Variants in SERINC5 observed in about 807,000 individuals in gnomAD.
SERINC5 encodes serine incorporator 5.
A neutral mutation model predicts 63.1 loss-of-function variants in SERINC5; 41 were observed. The ratio of observed to expected loss-of-function variants is 0.65; its 90% CI spans 0.51 to 0.84. The LOEUF (loss-of-function observed/expected upper bound fraction) is 0.84, where lower values mean the gene tolerates loss of function less well. Ranked by LOEUF, SERINC5 falls within the 40% of genes least tolerant of loss-of-function variation. The pLI, the probability that SERINC5 is intolerant of heterozygous loss-of-function variation, is 0.00. For synonymous variants in SERINC5, 222 were observed against 215.2 expected (o/e 1.03, Z -0.28); for missense variants, 523 against 573.0 (o/e 0.91, Z 0.89).
At chr5:80,254,167 G>A (rs1272619079) in intron 1 of SERINC5, among the ~76,000 whole-genome samples, 4 of 151,988 alleles carry the variant, frequency 2.6e-5, no homozygotes, top group Non-Finnish European at 4.4e-5. Flanking sequence ...CAGGTGATCC[G>A]CCCGCCTCTG....
rs1561394606 is a variant in SERINC5, at chr5:80,174,405, A to AATAATAATAAT, written c.551+548_551+549insATTATTATTAT. Among the ~76,000 whole-genome samples, 6 of 84,370 alleles carry AATAATAATAAT rather than the reference A, an allele frequency of 7.1e-5. No individual in the cohort carries two copies. In the South Asian group the frequency reaches 1.1e-3, roughly 15 times the overall value. The allele number at this position is 84,370 out of a possible 152,430, so 55.3% of individuals were successfully genotyped here. A position where few individuals can be genotyped will look rare whatever the true frequency, so the allele number is the denominator to read the frequency against. On this transcript the variant is annotated intron_variant, in intron 5 of 11. Transcript: ENST00000507668. ...ATAATAATAATAATAATAATAATAA[A>AATAATAATAAT]AGAAAAAGAAAACAAAAGGGTACTG...
downstream of SERINC5, among the ~76,000 whole-genome samples, chr5:80,111,431 T>TG (rs1449294774): frequency 2.0e-5 from 3 of 152,316 alleles, no homozygotes; most frequent in East Asian, 5.8e-4. Flanking sequence ...CAGTTCCAGG[T>TG]GCAGGGGCTT....
intron 5 of SERINC5, among the ~76,000 whole-genome samples, chr5:80,173,377 C>T (rs1441513350): frequency 3.3e-5 from 5 of 152,050 alleles, no homozygotes; most frequent in Non-Finnish European, 7.4e-5. Context: ...GGGCGGATCA[C>T]CAGGTCAGGA....
At position 80,222,556 on chromosome 5, in the gene SERINC5, G is replaced by A. The variant is rs13356937; in HGVS notation, c.28-19503C>T. 6.4e-3 allele frequency among the ~76,000 whole-genome samples: 496 copies of A among 77,934 alleles called. 2 individuals are homozygous for A. The highest frequency in any genetic ancestry group is 0.021 in the Middle Eastern group (3 of 146). 51.1% of individuals were successfully genotyped at this position (77,934 alleles called of 152,430 possible). The stretch of plus-strand genomic sequence containing the variant: ...TTTGGTGGGTTTTTTGTGGGTGAGT[G>A]TGTGAGTGTGTGAGTGTGTGTGTGT... On this transcript the variant is annotated intron_variant, in intron 1 of 11. Coordinates refer to ENST00000507668, the MANE Select transcript of SERINC5 (RefSeq NM_001174072.3).
At chr5:80,223,492 G>A (rs994236448) in intron 1 of SERINC5, among the ~76,000 whole-genome samples, 3 of 151,940 alleles carry the variant, frequency 2.0e-5, no homozygotes, top group South Asian at 2.1e-4. Flanking sequence ...CAGAATCCAC[G>A]GATACAGAGG....
intron 7 of SERINC5, among the ~76,000 whole-genome samples, chr5:80,159,201 G>A (rs1746729213): frequency 6.6e-6 from 1 of 152,154 alleles, no homozygotes; most frequent in African/African-American, 2.4e-5. Context: ...TTCCAGCTCA[G>A]TGCCATGGGG....
chr5:80,203,495 G>T (rs1178356571), intron 1 of SERINC5, among the ~76,000 whole-genome samples: 1 of 151,684 alleles, frequency 6.6e-6, no homozygotes, highest in Non-Finnish European at 1.5e-5. Flanking sequence ...AACACAGCAA[G>T]ACCCCATCTC....
chr5:80,132,418 G>A (rs1454998263), intron 11 of SERINC5, among the ~76,000 whole-genome samples: 1 of 152,030 alleles, frequency 6.6e-6, no homozygotes, highest in Admixed American at 6.6e-5. Flanking sequence ...TTAACTAATG[G>A]TATTTCTATA....
intron 8 of SERINC5, among the ~76,000 whole-genome samples, chr5:80,155,426 A>ATGGTGGCG (rs1386693280): frequency 1.3e-5 from 2 of 152,260 alleles, no homozygotes; most frequent in African/African-American, 4.8e-5. Flanking sequence ...TTAGCCGGGC[A>ATGGTGGCG]TGGTGGCGTG....
intron 1 of SERINC5, among the ~76,000 whole-genome samples, chr5:80,206,561 C>T (rs567568984): frequency 3.9e-4 from 60 of 152,328 alleles, no homozygotes; most frequent in Non-Finnish European, 6.8e-4. Flanking sequence ...AGACATTCTA[C>T]TCGGGCTGAG....
At chr5:80,232,404 A>T (rs1236065927) in intron 1 of SERINC5, among the ~76,000 whole-genome samples, 1 of 63,722 alleles carries the variant, frequency 1.6e-5, no homozygotes, top group Admixed American at 2.1e-4. Flanking sequence ...ACTCTGTCTC[A>T]AAGAAAAAAA....
intron 9 of SERINC5, among the ~76,000 whole-genome samples, chr5:80,149,941 A>C (rs1239582778): frequency 1.3e-5 from 2 of 152,178 alleles, no homozygotes; most frequent in Admixed American, 1.3e-4. Flanking sequence ...TTGCACAATT[A>C]AGAAAATAAC....
At chr5:80,175,444 G>C (rs1747965204) in intron 4 of SERINC5, among the ~76,000 whole-genome samples, 1 of 152,154 alleles carries the variant, frequency 6.6e-6, no homozygotes, top group Admixed American at 6.6e-5. Flanking sequence ...TGGGTAAAAA[G>C]TCAACAATGA....
At chr5:80,180,415 C>A (rs1287012832) in intron 2 of SERINC5, among the ~76,000 whole-genome samples, 2 of 152,150 alleles carry the variant, frequency 1.3e-5, no homozygotes, top group Non-Finnish European at 2.9e-5. Flanking sequence ...TTTACAGTTT[C>A]TTCTCCAGAA....
At position 80,140,185 on chromosome 5, in the gene SERINC5, G is replaced by T; in HGVS notation, c.*3478C>A. The T allele has an allele frequency of 1.4e-6, 1 of 730,378 alleles. No homozygotes were observed. The highest frequency in any genetic ancestry group is 1.7e-6 in the Non-Finnish European group (1 of 597,802). The allele number at this position is 730,378 out of a possible 1,614,324, so 45.2% of individuals were successfully genotyped here. A position where few individuals can be genotyped will look rare whatever the true frequency, so the allele number is the denominator to read the frequency against. On this transcript the variant is annotated 3_prime_UTR_variant, in exon 12 of 12. Coordinates refer to ENST00000507668, the MANE Select transcript of SERINC5 (RefSeq NM_001174072.3). Reference sequence around the variant, plus strand: ...AAAATAAAAATCGGCCAGGTGTGATGGGGCAAACCTGTGGTCTCAGCTACT... The same window carrying T: ...AAAATAAAAATCGGCCAGGTGTGATTGGGCAAACCTGTGGTCTCAGCTACT...
intron 1 of SERINC5, among the ~76,000 whole-genome samples, chr5:80,238,847 G>A (rs1286093405): frequency 1.3e-5 from 2 of 150,588 alleles, no homozygotes; most frequent in African/African-American, 4.9e-5. Flanking sequence ...ATAAGACTGT[G>A]TTTAAAATCC....
intron 1 of SERINC5, among the ~76,000 whole-genome samples, chr5:80,248,565 A>G (rs181767183): frequency 1.3e-5 from 2 of 152,376 alleles, no homozygotes; most frequent in East Asian, 3.9e-4. Context: ...AACCACAGAA[A>G]GCAAAACTGC....
At chr5:80,201,240 C>T (rs143929720) in intron 2 of SERINC5, among the ~76,000 whole-genome samples, 5 of 152,352 alleles carry the variant, frequency 3.3e-5, no homozygotes, top group Non-Finnish European at 7.3e-5. Flanking sequence ...GAGCCTGCTC[C>T]GGACTTCCCT....
At chr5:80,123,953 A>T (rs1016852211) in intron 11 of SERINC5, among the ~76,000 whole-genome samples, 6 of 152,214 alleles carry the variant, frequency 3.9e-5, no homozygotes, top group African/African-American at 1.4e-4. Flanking sequence ...TTATGCACTT[A>T]ACCAGGTAAA....
Sources: allele counts gnomAD v4.1 joint callset (sites outside exome capture counted in the v4.1 genomes callset), GRCh38; gene constraint gnomAD v4.1.1; transcripts MANE v1.5; gene names NCBI Gene and HGNC (gene_info 2026-07-23, HGNC 2026-07-21).